ADGRB3: variants seen among roughly 807,000 people sequenced by gnomAD.
The protein encoded by ADGRB3 is adhesion G protein-coupled receptor B3, also known as brain-specific angiogenesis inhibitor 3.
Under a neutral mutation model 193.4 loss-of-function variants are expected in ADGRB3, and 37 were observed. That is an observed-to-expected ratio of 0.19 (90% CI 0.15 to 0.25). The LOEUF (loss-of-function observed/expected upper bound fraction) is 0.25. Ranked by LOEUF, ADGRB3 falls within the 10% of genes least tolerant of loss-of-function variation. The probability of loss-of-function intolerance (pLI) is 1.00; values close to 1 mark genes in which losing one functional copy is unlikely to be tolerated. For missense variants in ADGRB3, 1,637 were observed against 1,852.9 expected (o/e 0.88, Z 2.14); for synonymous variants, 690 against 644.2 (o/e 1.07, Z -1.08).
chr6:68,953,315 A>C (rs1384242856), intron 6 of ADGRB3, among the ~76,000 whole-genome samples: 2 of 152,200 alleles, frequency 1.3e-5, no homozygotes, highest in Non-Finnish European at 2.9e-5. Flanking sequence ...AGATTAGCTT[A>C]GCAGCACCTA....
In ADGRB3 at chr6:68,829,134, C is replaced by G. The variant is rs532767509; in HGVS notation, c.758-101425C>G. ...TTTTTTTTTGAGATGGTGTCTTGCT[C>G]TGTTGCCCAGGCTGGAGTGTAGTGG... is the stretch of plus-strand genomic sequence containing the variant. On this transcript the variant is annotated intron_variant, in intron 3 of 31. Transcript: ENST00000370598. Among the ~76,000 whole-genome samples, 17 of 111,068 alleles carry G rather than the reference C, an allele frequency of 1.5e-4. 1 individual carries two copies. In the South Asian group the frequency reaches 5.0e-3, roughly 33 times the overall value. The allele number at this position is 111,068 out of a possible 152,430, so 72.9% of individuals were successfully genotyped here.
intron 18 of ADGRB3, among the ~76,000 whole-genome samples, chr6:69,234,421 G>GAA (rs148502856): frequency 2.0e-5 from 3 of 151,584 alleles, no homozygotes; most frequent in Non-Finnish European, 4.4e-5. Context: ...TTTGTTCATT[G>GAA]AAAAAAAATC....
At chr6:69,231,167 A>C (rs1204453652) in intron 17 of ADGRB3, among the ~76,000 whole-genome samples, 2 of 152,214 alleles carry the variant, frequency 1.3e-5, no homozygotes, top group African/African-American at 2.4e-5. Flanking sequence ...ATGTCATATA[A>C]AATTTACATG....
chr6:68,864,983 G>C (rs1765255112), intron 3 of ADGRB3, among the ~76,000 whole-genome samples: 1 of 152,114 alleles, frequency 6.6e-6, no homozygotes, highest in Admixed American at 6.5e-5. Flanking sequence ...AATTCTCGTT[G>C]TTTTGACCTG....
chr6:69,204,158 A>T (rs2150358816), intron 17 of ADGRB3, among the ~76,000 whole-genome samples: 1 of 152,306 alleles, frequency 6.6e-6, no homozygotes, highest in South Asian at 2.1e-4. Flanking sequence ...CCTCTCTGAG[A>T]CTTGGCATGG....
chr6:69,225,085 A>G (rs777878890), intron 17 of ADGRB3, among the ~76,000 whole-genome samples: 5 of 152,148 alleles, frequency 3.3e-5, no homozygotes, highest in Non-Finnish European at 7.3e-5. Flanking sequence ...CCCCACCTCA[A>G]AGTAAAAGCA....
At chr6:69,296,943 A>G (rs1391625145) in intron 20 of ADGRB3, among the ~76,000 whole-genome samples, 1 of 152,104 alleles carries the variant, frequency 6.6e-6, no homozygotes, top group Non-Finnish European at 1.5e-5. Context: ...AAACCAATGT[A>G]AAAGTGTATG....
intron 17 of ADGRB3, among the ~76,000 whole-genome samples, chr6:69,123,446 C>T (rs984450577): frequency 3.3e-5 from 5 of 152,188 alleles, no homozygotes; most frequent in South Asian, 2.1e-4. Flanking sequence ...GATTCTATGT[C>T]CCTGGCACCA....
chr6:69,233,817 T>C (rs1766204303), intron 18 of ADGRB3, among the ~76,000 whole-genome samples: 1 of 152,204 alleles, frequency 6.6e-6, no homozygotes, highest in South Asian at 2.1e-4. Flanking sequence ...ACATTGCATA[T>C]CTGCATTGGA....
chr6:69,133,216 G>C (rs1270090934), intron 17 of ADGRB3, among the ~76,000 whole-genome samples: 2 of 152,104 alleles, frequency 1.3e-5, no homozygotes, highest in African/African-American at 4.8e-5. Flanking sequence ...ACTTTGGGCA[G>C]TATGGCCATT....
chr6:69,078,888 C>T (rs1772309083), intron 17 of ADGRB3, among the ~76,000 whole-genome samples: 1 of 152,030 alleles, frequency 6.6e-6, no homozygotes, highest in African/African-American at 2.4e-5. Context: ...ACTATACCTG[C>T]ATATAAGATA....
intron 17 of ADGRB3, among the ~76,000 whole-genome samples, chr6:69,144,918 T>TC (rs56851718): frequency 2.3e-5 from 3 of 129,130 alleles, no homozygotes; most frequent in Non-Finnish European, 3.5e-5. Context: ...TTTCTTTCTT[T>TC]TTCTTTTTAT....
At chr6:68,929,643 G>C (rs1164345762) in intron 3 of ADGRB3, among the ~76,000 whole-genome samples, 2 of 152,062 alleles carry the variant, frequency 1.3e-5, no homozygotes, top group Non-Finnish European at 2.9e-5. Context: ...ACTCCTATGA[G>C]ACAGAACCAA....
chr6:69,019,853 G>A (rs993052244), intron 13 of ADGRB3, among the ~76,000 whole-genome samples: 3 of 151,970 alleles, frequency 2.0e-5, no homozygotes, highest in African/African-American at 4.8e-5. Context: ...TTTGTTGAAC[G>A]ATGAATTCAG....
At chr6:68,872,418 G>GA (rs1211454184) in intron 3 of ADGRB3, among the ~76,000 whole-genome samples, 3 of 151,988 alleles carry the variant, frequency 2.0e-5, no homozygotes, top group East Asian at 1.9e-4. Flanking sequence ...ATTTGATGAG[G>GA]AAAAAACAAC....
At chr6:69,250,027 C>T (rs1766587353) in intron 20 of ADGRB3, among the ~76,000 whole-genome samples, 1 of 152,158 alleles carries the variant, frequency 6.6e-6, no homozygotes, top group South Asian at 2.1e-4. Context: ...ACAGTAAACA[C>T]ATAAGCAGAA....
intron 3 of ADGRB3, among the ~76,000 whole-genome samples, chr6:68,715,066 C>G (rs1451772875): frequency 1.3e-5 from 2 of 151,640 alleles, no homozygotes; most frequent in African/African-American, 4.8e-5. Context: ...TGATTCATGA[C>G]AAAACACAAA....
intron 3 of ADGRB3, among the ~76,000 whole-genome samples, chr6:68,759,419 C>T (rs1562018361): frequency 6.6e-6 from 1 of 152,060 alleles, no homozygotes; most frequent in Non-Finnish European, 1.5e-5. Flanking sequence ...GATTATTTTA[C>T]ATATATTGCC....
chr6:68,871,086 T>A (rs1414242386), intron 3 of ADGRB3, among the ~76,000 whole-genome samples: 1 of 152,176 alleles, frequency 6.6e-6, no homozygotes, highest in East Asian at 1.9e-4. Flanking sequence ...AGGAATGTAC[T>A]AAGGCGGATG....
Sources: allele counts gnomAD v4.1 joint callset (sites outside exome capture counted in the v4.1 genomes callset), GRCh38; gene constraint gnomAD v4.1.1; transcripts MANE v1.5; gene names NCBI Gene and HGNC (gene_info 2026-07-23, HGNC 2026-07-21).